Variants in BBS9 observed in about 807,000 individuals in gnomAD.
BBS9 encodes protein PTHB1.
In BBS9, 89 loss-of-function variants were observed where a neutral mutation model predicts 117.7. The ratio of observed to expected loss-of-function variants is 0.76; its 90% CI spans 0.64 to 0.90. The LOEUF (loss-of-function observed/expected upper bound fraction) is 0.90. BBS9 is among the 40% of genes least tolerant of loss of function. The pLI is 0.00. For synonymous variants in BBS9, 379 were observed against 370.9 expected (o/e 1.02, Z -0.25); for missense variants, 982 against 1,042.2 (o/e 0.94, Z 0.80).
intron 21 of BBS9, among the ~76,000 whole-genome samples, chr7:33,619,850 G>T (rs1260139764): frequency 2.6e-5 from 4 of 152,116 alleles, no homozygotes; most frequent in Non-Finnish European, 5.9e-5. Context: ...TATAGCAAAA[G>T]CAGTTCTAAG....
chr7:33,229,029 T>G (rs1418359855), intron 5 of BBS9, among the ~76,000 whole-genome samples: 1 of 152,192 alleles, frequency 6.6e-6, no homozygotes, highest in Non-Finnish European at 1.5e-5. Flanking sequence ...GATGAAGACT[T>G]AGGCTTTATT....
intron 19 of BBS9, among the ~76,000 whole-genome samples, chr7:33,424,243 T>C (rs1028959237): frequency 2.6e-5 from 4 of 152,204 alleles, no homozygotes; most frequent in Non-Finnish European, 5.9e-5. Flanking sequence ...TTCCAGAGAA[T>C]AGAGAGAAGA....
At chr7:33,153,742 C>T (rs1256476676) in intron 3 of BBS9, among the ~76,000 whole-genome samples, 1 of 152,168 alleles carries the variant, frequency 6.6e-6, no homozygotes, top group Non-Finnish European at 1.5e-5. Context: ...GAAGCTGTAG[C>T]TTAGATGCTT....
rs1859399373 is a variant in BBS9 at position 33,578,883 on chromosome 7, G to A, written c.2522-25982G>A. Among the ~76,000 whole-genome samples the A allele has an allele frequency of 2.1e-5, 3 of 145,500 alleles. No homozygotes were observed. The Admixed American group carries it at 2.1e-4, about 10-fold the overall frequency. On this transcript the variant is annotated intron_variant, in intron 21 of 22. Coordinates refer to ENST00000242067, the MANE Select transcript of BBS9 (RefSeq NM_198428.3). ...TCAGAATATACTTAGCAAAGCATAT[G>A]CAAAAACATATGCAAGAACTAGTAT...
chr7:33,478,027 G>C (rs1224853730), intron 19 of BBS9, among the ~76,000 whole-genome samples: 1 of 152,044 alleles, frequency 6.6e-6, no homozygotes, highest in African/African-American at 2.4e-5. Flanking sequence ...GACATATAAA[G>C]GGAAGGAAAT....
At chr7:33,409,212 A>C (rs542371487) in intron 19 of BBS9, among the ~76,000 whole-genome samples, 116 of 152,290 alleles carry the variant, frequency 7.6e-4, no homozygotes, top group African/African-American at 2.7e-3. Context: ...TTGAGGACTT[A>C]GGCATAAATT....
At chr7:33,358,887 T>C (rs1171787612) in intron 16 of BBS9, among the ~76,000 whole-genome samples, 1 of 151,902 alleles carries the variant, frequency 6.6e-6, no homozygotes, top group Non-Finnish European at 1.5e-5. Context: ...ATTAACTACT[T>C]AAAGTGCTTA....
chr7:33,216,037 T>C (rs1403687409), intron 5 of BBS9, among the ~76,000 whole-genome samples: 1 of 152,256 alleles, frequency 6.6e-6, no homozygotes, highest in African/African-American at 2.4e-5. Flanking sequence ...CTGTAGTTCA[T>C]TGTTACTAGT....
chr7:33,237,003 C>T (rs983791633), intron 5 of BBS9, among the ~76,000 whole-genome samples: 16 of 152,046 alleles, frequency 1.1e-4, no homozygotes, highest in Admixed American at 3.9e-4. Context: ...ATATCTAATG[C>T]TTTCAATAGT....
intron 17 of BBS9, among the ~76,000 whole-genome samples, chr7:33,383,151 A>G (rs1825383983): frequency 6.6e-6 from 1 of 152,210 alleles, no homozygotes; most frequent in Non-Finnish European, 1.5e-5. Flanking sequence ...TATTTAGAAA[A>G]GGGTCTGACT....
intron 19 of BBS9, among the ~76,000 whole-genome samples, chr7:33,403,060 T>A (rs1382220873): frequency 6.6e-6 from 1 of 152,134 alleles, no homozygotes; most frequent in Non-Finnish European, 1.5e-5. Flanking sequence ...CCATGGTGTT[T>A]ATATACCATA....
At chr7:33,433,020 A>G (rs1834760892) in intron 19 of BBS9, among the ~76,000 whole-genome samples, 1 of 152,136 alleles carries the variant, frequency 6.6e-6, no homozygotes, top group Admixed American at 6.5e-5. Flanking sequence ...TGGTCCATCA[A>G]TCACCTAGCC....
At chr7:33,298,284 C>A (rs1041856919) in intron 9 of BBS9, among the ~76,000 whole-genome samples, 10 of 152,044 alleles carry the variant, frequency 6.6e-5, no homozygotes, top group Admixed American at 1.3e-4. Flanking sequence ...AGCTCTGAGA[C>A]CTTGGGCAAG....
chr7:33,449,044 GT>G (rs1837395252), intron 19 of BBS9, among the ~76,000 whole-genome samples: 4 of 152,242 alleles, frequency 2.6e-5, no homozygotes, highest in African/African-American at 9.6e-5. Context: ...AAGAATGCCA[GT>G]AGTCTGGTTC....
At chr7:33,304,943 G>T (rs182146555) in intron 9 of BBS9, among the ~76,000 whole-genome samples, 12 of 151,912 alleles carry the variant, frequency 7.9e-5, no homozygotes, top group Admixed American at 5.9e-4. Flanking sequence ...CAGCATGCTC[G>T]TTAAGAGTCA....
At chr7:33,633,094 A>G (rs1865971112) in intron 21 of BBS9, among the ~76,000 whole-genome samples, 1 of 152,150 alleles carries the variant, frequency 6.6e-6, no homozygotes, top group African/African-American at 2.4e-5. Context: ...TGCTTTGGGG[A>G]AGCCACTTGC....
intron 21 of BBS9, among the ~76,000 whole-genome samples, chr7:33,622,662 T>A (rs1031071514): frequency 6.6e-6 from 1 of 152,184 alleles, no homozygotes; most frequent in Non-Finnish European, 1.5e-5. Context: ...AAACAGCCAT[T>A]CTTGAAAAAT....
intron 21 of BBS9, among the ~76,000 whole-genome samples, chr7:33,546,000 T>C (rs1263354575): frequency 1.4e-5 from 2 of 146,858 alleles, no homozygotes; most frequent in South Asian, 2.2e-4. Context: ...GTAGCGTGAT[T>C]TTGGCTCACT....
At chr7:33,382,578 G>T (rs1031063939) in intron 17 of BBS9, among the ~76,000 whole-genome samples, 2 of 152,110 alleles carry the variant, frequency 1.3e-5, no homozygotes, top group Admixed American at 1.3e-4. Flanking sequence ...TGTAGACATA[G>T]TAAGTCTCTA....
Sources: gnomAD v4.1 joint callset for allele counts (sites outside exome capture counted in the v4.1 genomes callset) on GRCh38, gnomAD v4.1.1 for gene constraint, MANE v1.5 for transcripts, NCBI Gene and HGNC (gene_info 2026-07-23, HGNC 2026-07-21) for gene names.